Variants in SMARCA2 observed in about 807,000 individuals in gnomAD.
The protein encoded by SMARCA2 is SWI/SNF related BAF chromatin remodeling complex subunit ATPase 2.
SMARCA2 carries 61 observed loss-of-function variants against 199.8 expected under a neutral mutation model. That is an observed-to-expected ratio of 0.31 (90% confidence interval 0.25 to 0.38). SMARCA2 has a LOEUF of 0.38. Ranked by LOEUF, SMARCA2 falls within the 10% of genes least tolerant of loss-of-function variation. The pLI, the probability that SMARCA2 is intolerant of heterozygous loss-of-function variation, is 1.00. For missense variants in SMARCA2, 1,344 were observed against 2,012.2 expected (o/e 0.67, Z 6.35); for synonymous variants, 935 against 732.0 (o/e 1.28, Z -4.48).
chr9:2,089,015 C>T (rs1437053844), intron 19 of SMARCA2, among the ~76,000 whole-genome samples: 1 of 151,656 alleles, frequency 6.6e-6, no homozygotes, highest in East Asian at 1.9e-4. Context: ...TAAACATTTA[C>T]AGGTTTTCTA....
At chr9:2,103,556 T>A (rs991345532) in intron 22 of SMARCA2, among the ~76,000 whole-genome samples, 1 of 152,004 alleles carries the variant, frequency 6.6e-6, no homozygotes, top group Non-Finnish European at 1.5e-5. Flanking sequence ...TTTAGATGAA[T>A]CTTAAGTGCC....
intron 27 of SMARCA2, chr9:2,160,633 G>C (rs1185789120): frequency 4.3e-6 from 3 of 701,566 alleles, no homozygotes; most frequent in Admixed American, 2.0e-5. Flanking sequence ...ATTGCCTTAT[G>C]ATTAGAGCTC....
chr9:2,099,817 A>G (rs1301410000), intron 21 of SMARCA2, among the ~76,000 whole-genome samples: 2 of 152,170 alleles, frequency 1.3e-5, no homozygotes, highest in African/African-American at 4.8e-5. Flanking sequence ...TAAACTCAAG[A>G]AATGGAAACA....
chr9:2,086,254 A>G lies in SMARCA2; in HGVS notation c.2527-575A>G, dbSNP rs1336079526. 6.5e-6 allele frequency: 1 copy of G among 154,018 alleles called. No individual in the cohort carries two copies. Among genetic ancestry groups the G allele is most frequent in the African/African-American group, 2.4e-5 (1 of 41,460 alleles). 9.5% of individuals were successfully genotyped at this position (154,018 alleles called of 1,614,324 possible). A position where few individuals can be genotyped will look rare whatever the true frequency, so the allele number is the denominator to read the frequency against. On this transcript the variant is annotated intron_variant, in intron 17 of 33. Coordinates refer to ENST00000349721, the MANE Select transcript of SMARCA2 (RefSeq NM_003070.5). This position sits in a 1 kb window ranked among gnomAD's most constrained non-coding sequence, Gnocchi z 4.3. ...TAATGTGAAATAGTCCAACTTTTAA[A>G]TGTTAGCAACCAGTCCAAACAAAAC...
chr9:2,061,067 A>G (rs1343223335), intron 9 of SMARCA2, 81 bp downstream of exon 9: 1 of 1,277,262 alleles, frequency 7.8e-7, no homozygotes, highest in East Asian at 2.5e-5. Context: ...CTCTTTAAGT[A>G]CTACTTCTTA....
intron 21 of SMARCA2, 32 bp from the exon 22 acceptor site, chr9:2,101,538 A>T: frequency 8.1e-7 from 1 of 1,229,146 alleles, no homozygotes; most frequent in Non-Finnish European, 1.2e-6. Flanking sequence ...TACATTTTTT[A>T]AAATCATTCT....
intron 27 of SMARCA2, among the ~76,000 whole-genome samples, chr9:2,132,164 G>A (rs753309338): frequency 2.6e-4 from 40 of 152,254 alleles, no homozygotes; most frequent in Non-Finnish European, 5.3e-4. Flanking sequence ...AAAAACTGGG[G>A]AAAATACGAA....
At chr9:2,122,647 A>G (rs1295965461) in intron 26 of SMARCA2, among the ~76,000 whole-genome samples, 1 of 152,232 alleles carries the variant, frequency 6.6e-6, no homozygotes, top group Non-Finnish European at 1.5e-5. Context: ...AATAGGTTCT[A>G]GAGGTCATAT....
chr9:2,073,199 C>T lies in SMARCA2; in HGVS notation c.1747-13C>T, dbSNP rs779409339. 5.0e-6 allele frequency: 8 copies of T among 1,613,678 alleles called. No homozygotes were observed. In the African/African-American group the frequency reaches 8.0e-5, roughly 16 times the overall value. ...TAACATGAAACCGTGACATGATTTTCCCTCCTTTGTAGCCCATAGATGAGA... is the reference window on the plus strand; with the variant it reads ...TAACATGAAACCGTGACATGATTTTTCCTCCTTTGTAGCCCATAGATGAGA... On this transcript the variant is annotated splice_polypyrimidine_tract_variant and intron_variant, in intron 10 of 33. Coordinates refer to ENST00000349721, the MANE Select transcript of SMARCA2 (RefSeq NM_003070.5).
intron 19 of SMARCA2, among the ~76,000 whole-genome samples, chr9:2,096,213 C>T (rs1822268206): frequency 6.6e-6 from 1 of 152,126 alleles, no homozygotes; most frequent in African/African-American, 2.4e-5. Context: ...CACATGTGAC[C>T]ATTTAAAAAT....
At position 2,039,845 on chromosome 9, in the gene SMARCA2, A is replaced by G. The variant is rs978968229; in HGVS notation, c.735A>G (p.Gln245=). 1.2e-6 allele frequency: 2 copies of G among 1,613,028 alleles called. No individual in the cohort carries two copies. Among genetic ancestry groups the G allele is most frequent in the South Asian group, 1.1e-5 (1 of 90,970 alleles). The change falls in exon 4 of 34, where the codon CAA becomes CAG. Residue 245 remains glutamine, a synonymous_variant. Coordinates refer to ENST00000349721, the MANE Select transcript of SMARCA2 (RefSeq NM_003070.5). The surrounding 1 kb of genome is among the most constrained non-coding windows in gnomAD (Gnocchi z 4.8). The part of the protein sequence containing the change: ...QQQQPQQQPP[Q]PQTQQQQQPA... ...AGCAGCCGCAGCAGCAGCCGCCGCA[A>G]CCACAGACGCAGCAACAACAGCAGC...
At chr9:2,096,462 C>A (rs765735287) in intron 19 of SMARCA2, 195 bp from the exon 20 acceptor site, 7 of 485,368 alleles carry the variant, frequency 1.4e-5, no homozygotes, top group Non-Finnish European at 2.2e-5. Flanking sequence ...AAGGCCCCCC[C>A]ATCATAATGG....
chr9:2,157,345 G>A (rs748414548), intron 27 of SMARCA2, among the ~76,000 whole-genome samples: 1 of 152,104 alleles, frequency 6.6e-6, no homozygotes, highest in Non-Finnish European at 1.5e-5. Context: ...GCTGTCCCCA[G>A]AAAGCACCAG....
intron 27 of SMARCA2, among the ~76,000 whole-genome samples, chr9:2,142,002 C>A (rs1824485146): frequency 6.6e-6 from 1 of 152,078 alleles, no homozygotes; most frequent in African/African-American, 2.4e-5. Context: ...AGGCTGTTAA[C>A]CTGGCTGCTC....
intron 14 of SMARCA2, among the ~76,000 whole-genome samples, chr9:2,079,649 C>T (rs1247096499): frequency 6.6e-6 from 1 of 152,144 alleles, no homozygotes; most frequent in Non-Finnish European, 1.5e-5. Flanking sequence ...TTCTGAGGAC[C>T]ACTGCTCTGG....
At chr9:2,133,434 G>A (rs776312350) in intron 27 of SMARCA2, among the ~76,000 whole-genome samples, 4 of 151,662 alleles carry the variant, frequency 2.6e-5, no homozygotes, top group Non-Finnish European at 5.9e-5. Context: ...GGTACGCACC[G>A]CCACACCCAG....
rs1329984148 is a variant in SMARCA2 at position 2,169,623 on chromosome 9, G to A, written c.4200-796G>A. 1.3e-5 allele frequency among the ~76,000 whole-genome samples: 2 copies of A among 152,100 alleles called. No homozygotes were observed. The highest frequency in any genetic ancestry group is 2.9e-5 in the Non-Finnish European group (2 of 68,002). On this transcript the variant is annotated intron_variant, in intron 28 of 33. Transcript: ENST00000349721. This position sits in a 1 kb window ranked among gnomAD's most constrained non-coding sequence, Gnocchi z 6.5. ...TGACTCCGAGAAGGGATTTATACAT[G>A]GACAGGCACAGGCTGTGAATCCCAA... is the stretch of plus-strand genomic sequence containing the variant.
intron 29 of SMARCA2, among the ~76,000 whole-genome samples, chr9:2,172,751 C>T (rs920183764): frequency 3.9e-5 from 6 of 152,024 alleles, no homozygotes; most frequent in South Asian, 2.1e-4. Flanking sequence ...GAGTTCTGGG[C>T]GTGAGCGTGC....
At chr9:2,053,387 G>A (rs1244228217) in intron 5 of SMARCA2, among the ~76,000 whole-genome samples, 2 of 152,188 alleles carry the variant, frequency 1.3e-5, no homozygotes, top group Middle Eastern at 3.4e-3. Context: ...GAAGGTTCTC[G>A]GAAAGTGTAT....
Sources: allele counts gnomAD v4.1 joint callset (sites outside exome capture counted in the v4.1 genomes callset), GRCh38; gene constraint gnomAD v4.1.1; non-coding constraint Gnocchi (gnomAD v3.1); transcripts MANE v1.5; gene names NCBI Gene and HGNC (gene_info 2026-07-23, HGNC 2026-07-21).